The following DCBLD1 variants were observed in gnomAD, a reference collection of about 807,000 sequenced individuals.
DCBLD1 encodes discoidin, CUB and LCCL domain-containing protein 1.
Under a neutral mutation model 71.5 loss-of-function variants are expected in DCBLD1, and 57 were observed. The observed-to-expected ratio is 0.80, with a 90% CI of 0.64 to 0.99. The LOEUF (loss-of-function observed/expected upper bound fraction) is 0.99. DCBLD1 is among the 50% of genes least tolerant of loss of function. DCBLD1 has a pLI of 0.00. For synonymous variants in DCBLD1, 380 were observed against 363.8 expected, an observed-to-expected ratio of 1.04 and a Z score of -0.51; for missense variants, 891 against 923.5, an observed-to-expected ratio of 0.96 and a Z score of 0.46.
chr6:117,553,402 A>G (rs114355909), downstream of DCBLD1, among the ~76,000 whole-genome samples: 646 of 152,232 alleles, frequency 4.2e-3, 4 homozygotes, highest in African/African-American at 0.015. Context: ...CTTAAATCCC[A>G]CTGCCTTCCC....
chr6:117,495,232 G>T (rs992167008), intron 1 of DCBLD1, among the ~76,000 whole-genome samples: 1 of 152,140 alleles, frequency 6.6e-6, no homozygotes, highest in African/African-American at 2.4e-5. Context: ...CCCAGTTATG[G>T]TTGGTAATTT....
At chr6:117,544,425 C>A in intron 12 of DCBLD1, 103 bp from the exon 13 acceptor site, 1 of 1,098,820 alleles carries the variant, frequency 9.1e-7, no homozygotes. Context: ...ATTCTCACAT[C>A]AACCCTATGA....
Position 117,499,501 on chromosome 6 carries a change from A to G in DCBLD1, c.113-4266A>G, listed in dbSNP as rs1026284919. Among the ~76,000 whole-genome samples, 7 of 152,272 alleles carry G rather than the reference A, an allele frequency of 4.6e-5. No individual in the cohort carries two copies. In the East Asian group the frequency reaches 1.2e-3, roughly 25 times the overall value. ...AAATAGAAAAAGTAAAAGCCTCCTC[A>G]CTTCCATCCCCAGCCAGGCAAACTT... On this transcript the variant is annotated intron_variant, in intron 1 of 14. Coordinates refer to ENST00000338728, the MANE Select transcript of DCBLD1 (RefSeq NM_001366458.2).
chr6:117,560,524 AC>A (rs1440193709), intron 14 of DCBLD1: 1 of 194,614 alleles, frequency 5.1e-6, no homozygotes, highest in Non-Finnish European at 1.1e-5. Flanking sequence ...TTGTTTCTAA[AC>A]ATGAAAACAG....
intron 14 of DCBLD1, among the ~76,000 whole-genome samples, chr6:117,555,052 CATTGCCCTGTGAA>C (rs1199514503): frequency 5.3e-5 from 8 of 152,264 alleles, no homozygotes; most frequent in African/African-American, 1.7e-4. Context: ...CGTTTAGTAG[CATTGCCCTGTGAA>C]ATCATGTATT....
At chr6:117,568,647 C>T (rs1779745969) in intron 14 of DCBLD1, among the ~76,000 whole-genome samples, 1 of 152,160 alleles carries the variant, frequency 6.6e-6, no homozygotes, top group South Asian at 2.1e-4. Flanking sequence ...CAGTGGTCTT[C>T]AGCAAAGTTT....
intron 13 of DCBLD1, among the ~76,000 whole-genome samples, chr6:117,545,163 C>G (rs1334416544): frequency 1.3e-5 from 2 of 151,974 alleles, no homozygotes; most frequent in Admixed American, 6.5e-5. Flanking sequence ...TGCAGTGTCT[C>G]CTCTGCCTCA....
In DCBLD1 at chr6:117,538,638, GT is replaced by G; in HGVS notation, c.783del (p.Phe261LeufsTer64). On this transcript the variant is annotated frameshift_variant, in exon 8 of 15. Transcript: ENST00000338728. LOFTEE classifies it high-confidence loss of function. ...FTSNGCSRSL[S>X]FEPDGQIRAS... is the part of the protein sequence containing the mutation. Reference sequence around the variant, plus strand: ...TTTTCAGGTTGCAGCAGATCCTTGAGTTTTGAACCTGACGGGCAAATCAGAG... The same window carrying G: ...TTTTCAGGTTGCAGCAGATCCTTGAGTTTGAACCTGACGGGCAAATCAGAG... The G allele has an allele frequency of 6.2e-7, 1 of 1,614,008 alleles. No homozygotes were observed. Among genetic ancestry groups the G allele is most frequent in the Non-Finnish European group, 8.5e-7 (1 of 1,180,026 alleles).
rs143583732 is a variant in DCBLD1 at position 117,504,766 on chromosome 6, A to G, written c.325+787A>G. Among the ~76,000 whole-genome samples, 359 of 152,358 alleles carry G rather than the reference A, an allele frequency of 2.4e-3. 2 individuals carry two copies. Among genetic ancestry groups the G allele is most frequent in the Non-Finnish European group, 4.2e-3 (287 of 68,040 alleles). ...ACCCTTTGATCCTAAGCCCAAGGAA[A>G]TAGCTCAGGTTGGACAATTTGAAAA... On this transcript the variant is annotated intron_variant, in intron 2 of 14. Transcript: ENST00000338728.
chr6:117,535,701 T>C (rs920855637), intron 6 of DCBLD1, among the ~76,000 whole-genome samples: 1 of 152,202 alleles, frequency 6.6e-6, no homozygotes, highest in African/African-American at 2.4e-5. Flanking sequence ...GCTTAGTTTC[T>C]TAGGGTCGCC....
rs1779369597 is a variant in DCBLD1 at position 117,548,898 on chromosome 6, G to A, written c.*459G>A. 3 of 1,000,240 alleles carry A rather than the reference G, an allele frequency of 3.0e-6. No homozygotes were observed. The South Asian group carries it at 1.3e-4, about 43-fold the overall frequency. The allele number at this position is 1,000,240 out of a possible 1,614,324, so 62.0% of individuals were successfully genotyped here. A position where few individuals can be genotyped will look rare whatever the true frequency, so the allele number is the denominator to read the frequency against. On this transcript the variant is annotated 3_prime_UTR_variant, in exon 15 of 15. Coordinates refer to ENST00000338728, the MANE Select transcript of DCBLD1 (RefSeq NM_001366458.2). Reference sequence around the variant, plus strand: ...TTTTCAGTATATTATCTGATACTGTGTTAGCAGCAGGTCTGCTTAAACCTA... The same window carrying A: ...TTTTCAGTATATTATCTGATACTGTATTAGCAGCAGGTCTGCTTAAACCTA...
At chr6:117,534,386 C>T (rs1036617178) in intron 6 of DCBLD1, among the ~76,000 whole-genome samples, 4 of 152,128 alleles carry the variant, frequency 2.6e-5, no homozygotes, top group Admixed American at 2.0e-4. Flanking sequence ...CCTTTAAATG[C>T]CAACTTGAAC....
intron 11 of DCBLD1, 45 bp from the exon 12 acceptor site, chr6:117,543,079 G>A (rs1361651393): frequency 7.3e-6 from 11 of 1,513,332 alleles, no homozygotes; most frequent in Non-Finnish European, 1.0e-5. Flanking sequence ...AAAAGTGGTT[G>A]TTGGTCATTT....
At chr6:117,537,459 G>A (rs375158038) in intron 7 of DCBLD1, among the ~76,000 whole-genome samples, 102 of 151,478 alleles carry the variant, frequency 6.7e-4, no homozygotes, top group East Asian at 1.4e-3. Flanking sequence ...GCGTGAACCC[G>A]GGAGGCGGAG....
chr6:117,514,591 CAA>C (rs59209418), intron 2 of DCBLD1, among the ~76,000 whole-genome samples: 87 of 108,998 alleles, frequency 8.0e-4, no homozygotes, highest in South Asian at 2.0e-3. Flanking sequence ...GACCCTGTCT[CAA>C]AAAAAAAAAA....
intron 2 of DCBLD1, among the ~76,000 whole-genome samples, chr6:117,509,691 G>C (rs946554590): frequency 3.3e-5 from 5 of 151,848 alleles, no homozygotes; most frequent in African/African-American, 1.2e-4. Context: ...ATGTGCCCTT[G>C]TTCCCCTCGT....
chr6:117,549,681 G>T lies in DCBLD1; in HGVS notation c.*1242G>T, dbSNP rs570877082. 6.1e-6 allele frequency: 6 copies of T among 985,282 alleles called. No homozygotes were observed. The highest frequency in any genetic ancestry group is 7.2e-6 in the Non-Finnish European group (6 of 829,950). The allele number at this position is 985,282 out of a possible 1,614,324, so 61.0% of individuals were successfully genotyped here. A position where few individuals can be genotyped will look rare whatever the true frequency, so the allele number is the denominator to read the frequency against. On this transcript the variant is annotated 3_prime_UTR_variant, in exon 15 of 15. Transcript: ENST00000338728. ...ATGTATATATGTTAAAATAATGGGG[G>T]TGCTGGAAGGTCATGGCAGACTAGC...
chr6:117,547,275 C>T (rs892219163), intron 14 of DCBLD1, among the ~76,000 whole-genome samples: 4 of 152,324 alleles, frequency 2.6e-5, no homozygotes, highest in South Asian at 2.1e-4. Flanking sequence ...CCTACTCCAT[C>T]GCCCCATTGT....
At position 117,538,608 on chromosome 6, in the gene DCBLD1, C is replaced by T; in HGVS notation, c.761-12C>T. ...TCTGTATCTAAAATATCTTACTGCA[C>T]TCTTTTTTCAGGTTGCAGCAGATCC... On this transcript the variant is annotated splice_polypyrimidine_tract_variant and intron_variant, in intron 7 of 14. Coordinates refer to ENST00000338728, the MANE Select transcript of DCBLD1 (RefSeq NM_001366458.2). 6.2e-7 allele frequency: 1 copy of T among 1,612,848 alleles called. No homozygotes were observed.
Sources: allele counts gnomAD v4.1 joint callset (sites outside exome capture counted in the v4.1 genomes callset), GRCh38; gene constraint gnomAD v4.1.1; transcripts MANE v1.5; gene names NCBI Gene and HGNC (gene_info 2026-07-23, HGNC 2026-07-21).